Variants in KIF15 observed in about 807,000 individuals in gnomAD.
KIF15 encodes the protein kinesin-like protein KIF15.
Under a neutral mutation model 190.6 loss-of-function variants are expected in KIF15, and 140 were observed. The ratio of observed to expected loss-of-function variants is 0.73; its 90% CI spans 0.64 to 0.84. The LOEUF is 0.84. KIF15 is among the 40% of genes least tolerant of loss of function. The pLI is 0.00. For synonymous variants in KIF15, 528 were observed against 551.3 expected (o/e 0.96, Z 0.59); for missense variants, 1,372 against 1,584.4 (o/e 0.87, Z 2.28).
intron 33 of KIF15, 54 bp downstream of exon 33, chr3:44,852,006 A>C: frequency 6.4e-7 from 1 of 1,555,638 alleles, no homozygotes; most frequent in East Asian, 2.2e-5. Flanking sequence ...AATGAATAGA[A>C]CTAATTAGCG....
intron 24 of KIF15, among the ~76,000 whole-genome samples, chr3:44,829,014 G>C (rs1288610644): frequency 6.6e-6 from 1 of 151,252 alleles, no homozygotes; most frequent in Non-Finnish European, 1.5e-5. Context: ...TCCAGTGTGG[G>C]CAACAAGAGC....
rs1272088113 is a variant in KIF15, at chr3:44,762,010, G to A, written c.19+126G>A. ...GAACTGCAGGAGCTGAGTGACCGGC[G>A]GGGACGTTTGGGAATCCCGCTCTGT... On this transcript the variant is annotated intron_variant, in intron 1 of 34. Transcript: ENST00000326047. 2.5e-6 allele frequency: 3 copies of A among 1,177,374 alleles called. No homozygotes were observed. The African/African-American group carries it at 4.5e-5, about 18-fold the overall frequency. 72.9% of individuals were successfully genotyped at this position (1,177,374 alleles called of 1,614,324 possible). A position where few individuals can be genotyped will look rare whatever the true frequency, so the allele number is the denominator to read the frequency against.
intron 1 of KIF15, among the ~76,000 whole-genome samples, chr3:44,771,654 G>A (rs1216554393): frequency 6.6e-6 from 1 of 152,180 alleles, no homozygotes; most frequent in Non-Finnish European, 1.5e-5. Context: ...TTGTCAAAAT[G>A]ATGACTCAGA....
intron 6 of KIF15, among the ~76,000 whole-genome samples, chr3:44,860,706 C>G (rs904100331): frequency 1.3e-5 from 2 of 152,042 alleles, no homozygotes; most frequent in Non-Finnish European, 1.5e-5. Context: ...CAAAACCACC[C>G]TGTGAGAGAA....
chr3:44,797,308 C>T (rs1291545193), intron 8 of KIF15, among the ~76,000 whole-genome samples: 4 of 152,182 alleles, frequency 2.6e-5, no homozygotes, highest in Non-Finnish European at 5.9e-5. Context: ...GGATGACTAG[C>T]ATGAGCCACA....
intron 20 of KIF15, among the ~76,000 whole-genome samples, chr3:44,816,041 T>G (rs1387008043): frequency 6.6e-6 from 1 of 152,216 alleles, no homozygotes; most frequent in East Asian, 1.9e-4. Context: ...TTTTTCTTTT[T>G]TTTTTAAAGA....
Position 44,840,429 on chromosome 3 carries a change from G to T in KIF15, c.3393G>T (p.Val1131=), listed in dbSNP as rs1280197147. Residue 1131 remains valine (V), a synonymous_variant, in exon 28 of 35, where the codon GTG becomes GTT. Transcript: ENST00000326047. ...YNFKMRQLEH[V]MDSAAEDPQS... ...TCAAAATGAGGCAACTAGAACATGT[G>T]ATGGATTCTGCTGCTGAGGATCCCC... is the stretch of plus-strand genomic sequence containing the variant. The T allele has an allele frequency of 6.2e-7, 1 of 1,608,220 alleles. No homozygotes were observed. Among genetic ancestry groups the T allele is most frequent in the Non-Finnish European group, 8.5e-7 (1 of 1,176,440 alleles).
At chr3:44,820,540 G>C (rs1446652723) in intron 20 of KIF15, among the ~76,000 whole-genome samples, 3 of 151,966 alleles carry the variant, frequency 2.0e-5, no homozygotes, top group African/African-American at 7.2e-5. Flanking sequence ...AGATTAGGGA[G>C]TGGTGATGAC....
chr3:44,804,985 G>GAAAAA, intron 14 of KIF15, 42 bp from the exon 15 acceptor site: 2 of 1,352,212 alleles, frequency 1.5e-6, no homozygotes, highest in Admixed American at 4.8e-5. Flanking sequence ...CCCTGTCTCA[G>GAAAAA]AAAAAAAAAA....
intron 30 of KIF15, among the ~76,000 whole-genome samples, chr3:44,845,425 C>T (rs1698800906): frequency 6.6e-6 from 1 of 151,920 alleles, no homozygotes; most frequent in Admixed American, 6.6e-5. Flanking sequence ...ATGGTGGGAA[C>T]TACAACGATT....
intron 10 of KIF15, chr3:44,799,314 G>A (rs1707144288): frequency 2.2e-6 from 1 of 456,756 alleles, no homozygotes; most frequent in South Asian, 1.5e-5. Context: ...CAGCCTATCA[G>A]TGGAAAGTGC....
intron 16 of KIF15, 41 bp downstream of exon 16, chr3:44,806,027 A>G (rs773086827): frequency 5.7e-6 from 9 of 1,588,574 alleles, no homozygotes; most frequent in Admixed American, 1.8e-5. Context: ...AATCAGTGCA[A>G]TGTCATTTTA....
At chr3:44,793,055 C>G (rs1036315028) in intron 7 of KIF15, among the ~76,000 whole-genome samples, 1 of 152,118 alleles carries the variant, frequency 6.6e-6, no homozygotes, top group African/African-American at 2.4e-5. Flanking sequence ...AATCTCAGGC[C>G]CCACCTCACA....
At chr3:44,837,354 C>T (rs1371650860) in intron 26 of KIF15, among the ~76,000 whole-genome samples, 1 of 151,916 alleles carries the variant, frequency 6.6e-6, no homozygotes, top group Non-Finnish European at 1.5e-5. Flanking sequence ...AAAAATTCAG[C>T]CTAAAGAAAT....
chr3:44,770,528 T>C (rs1705597940), intron 1 of KIF15, among the ~76,000 whole-genome samples: 1 of 152,166 alleles, frequency 6.6e-6, no homozygotes, highest in African/African-American at 2.4e-5. Context: ...ACAGGGACTG[T>C]GTAGGCAAGG....
intron 20 of KIF15, among the ~76,000 whole-genome samples, chr3:44,823,122 G>T (rs1284971363): frequency 6.6e-6 from 1 of 152,178 alleles, no homozygotes; most frequent in Non-Finnish European, 1.5e-5. Context: ...TTCTCCTGTG[G>T]TTTCTCCCCA....
chr3:44,832,997 G>A (rs143612100), intron 26 of KIF15, among the ~76,000 whole-genome samples: 1,705 of 122,904 alleles, frequency 0.014, 19 homozygotes, highest in Non-Finnish European at 0.018. Flanking sequence ...GTGACAGATC[G>A]AGACTCCATC....
In KIF15 at chr3:44,801,490, A is replaced by G; in HGVS notation, c.1263A>G (p.Ala421=). ...KTNYMEYFQE[A]MLFFKKSEQE... ...ACTATATGGAGTATTTCCAGGAAGC[A>G]ATGTTATTCTTTAAGAAATCTGAAC... is the stretch of plus-strand genomic sequence containing the variant. The change falls in exon 12 of 35, where the codon GCA becomes GCG. Residue 421 remains alanine, a synonymous_variant. Transcript: ENST00000326047. 6.3e-7 allele frequency: 1 copy of G among 1,575,668 alleles called. No homozygotes were observed. The highest frequency in any genetic ancestry group is 8.7e-7 in the Non-Finnish European group (1 of 1,145,496).
At position 44,761,864 on chromosome 3, in the gene KIF15, C is replaced by G. The variant is rs112614761; in HGVS notation, c.-2C>G. On this transcript the variant is annotated 5_prime_UTR_variant, in exon 1 of 35. Transcript: ENST00000326047. ...TTTTCGGGATCGAGGGGTGAGGGCG[C>G]TATGGCACCCGGCTGCAAAAGTAAG... is the stretch of plus-strand genomic sequence containing the variant. 6.2e-6 allele frequency: 10 copies of G among 1,614,206 alleles called. No individual in the cohort carries two copies. Among genetic ancestry groups the G allele is most frequent in the African/African-American group, 5.3e-5 (4 of 75,058 alleles).
Sources: gnomAD v4.1 joint callset for allele counts (sites outside exome capture counted in the v4.1 genomes callset) on GRCh38, gnomAD v4.1.1 for gene constraint, MANE v1.5 for transcripts, NCBI Gene and HGNC (gene_info 2026-07-23, HGNC 2026-07-21) for gene names.